The following DNAI3 variants were observed in gnomAD, a reference collection of about 807,000 sequenced individuals.
The protein encoded by DNAI3 is dynein axonemal intermediate chain 3.
Under a neutral mutation model 115.5 loss-of-function variants are expected in DNAI3, and 83 were observed. That is an observed-to-expected ratio of 0.72 (90% CI 0.60 to 0.86). The LOEUF is 0.86. DNAI3 is among the 40% of genes least tolerant of loss of function. The pLI is 0.00. For missense variants in DNAI3, 1,004 were observed against 1,075.8 expected (o/e 0.93, Z 0.93); for synonymous variants, 320 against 347.0 (o/e 0.92, Z 0.86).
At chr1:85,113,146 T>C (rs1178010854) in intron 16 of DNAI3, among the ~76,000 whole-genome samples, 1 of 152,250 alleles carries the variant, frequency 6.6e-6, no homozygotes. Context: ...ACTAGTGATA[T>C]GTGATTTTTA....
intron 3 of DNAI3, among the ~76,000 whole-genome samples, chr1:85,080,275 T>C (rs1654598030): frequency 6.6e-6 from 1 of 152,036 alleles, no homozygotes; most frequent in Non-Finnish European, 1.5e-5. Flanking sequence ...ATGGTCTCGA[T>C]CTCCTGACCT....
At chr1:85,126,775 A>T in intron 20 of DNAI3, 60 bp downstream of exon 20, 1 of 1,583,672 alleles carries the variant, frequency 6.3e-7, no homozygotes, top group South Asian at 1.1e-5. Flanking sequence ...ACATCTTGAC[A>T]TTCATCTGAA....
intron 10 of DNAI3, among the ~76,000 whole-genome samples, chr1:85,095,650 G>A (rs1655102026): frequency 6.6e-6 from 1 of 152,142 alleles, no homozygotes; most frequent in African/African-American, 2.4e-5. Context: ...ATTGTAACAT[G>A]CTCCCAAAAT....
rs1183449978 is a variant in DNAI3 at position 85,078,730 on chromosome 1, A to G, written c.104-2504A>G. Among the ~76,000 whole-genome samples the G allele has an allele frequency of 2.6e-4, 40 of 152,202 alleles. 2 individuals carry two copies. The highest frequency in any genetic ancestry group is 2.6e-3 in the Admixed American group (40 of 15,278). ...TTAGTTCTCATGGCAATGGAGCATG[A>G]TGGTACTGGACTATAGCAGTTTTGT... On this transcript the variant is annotated intron_variant, in intron 3 of 22. Coordinates refer to ENST00000294664, the MANE Select transcript of DNAI3 (RefSeq NM_145172.5).
chr1:85,103,964 T>A (rs1655407975), intron 13 of DNAI3, among the ~76,000 whole-genome samples: 1 of 149,650 alleles, frequency 6.7e-6, no homozygotes. Flanking sequence ...GTTCAAATTA[T>A]GTGGAGGGAA....
intron 16 of DNAI3, among the ~76,000 whole-genome samples, chr1:85,114,663 T>A (rs2100604294): frequency 6.6e-6 from 1 of 152,358 alleles, no homozygotes; most frequent in Middle Eastern, 3.4e-3. Flanking sequence ...TTGGTCACAC[T>A]GCCGACTATC....
rs12029771 is a variant in DNAI3 at position 85,082,385 on chromosome 1, G to A, written c.371G>A (p.Gly124Asp). ...LNFYLIATEE[G>D]KENYLNPPEV... ...TTTTATCTTATTGCAACTGAAGAGG[G>A]CAAAGAAAACTATTTAAATGTGAGC... Residue 124 changes from glycine (G) to aspartate (D), a missense_variant, in exon 5 of 23, where the codon GGC becomes GAC. Coordinates refer to ENST00000294664, the MANE Select transcript of DNAI3 (RefSeq NM_145172.5). 5 of 1,613,040 alleles carry A rather than the reference G, an allele frequency of 3.1e-6. No individual in the cohort carries two copies. The East Asian group carries it at 8.9e-5, about 29-fold the overall frequency.
chr1:85,117,849 T>C lies in DNAI3; in HGVS notation c.1907T>C (p.Val636Ala). Residue 636 changes from valine to alanine, a missense_variant, in exon 17 of 23, where the codon GTG (valine) becomes GCG (alanine). Val to Ala is a moderately conservative substitution (Grantham distance 64). This residue lies in a region of DNAI3 where 429 missense variants were observed against 454.3 expected (regional missense o/e 0.94). Coordinates refer to ENST00000294664, the MANE Select transcript of DNAI3 (RefSeq NM_145172.5). ...GATGACTTCTGCACAAAGTTCTTTG[T>C]GGGAACAGAGGTAAATTGGGATTAT... ...PIDDFCTKFF[V>A]GTEEGEVIYT... The C allele has an allele frequency of 1.2e-6, 2 of 1,612,912 alleles. No homozygotes were observed. Among genetic ancestry groups the C allele is most frequent in the Non-Finnish European group, 8.5e-7 (1 of 1,179,126 alleles).
intron 5 of DNAI3, among the ~76,000 whole-genome samples, chr1:85,083,636 C>G (rs1654695710): frequency 6.6e-6 from 1 of 151,426 alleles, no homozygotes; most frequent in African/African-American, 2.4e-5. Flanking sequence ...TTAGAAAAAA[C>G]TACAGAGTAG....
chr1:85,092,387 G>A (rs1655005721), intron 8 of DNAI3, among the ~76,000 whole-genome samples: 1 of 152,030 alleles, frequency 6.6e-6, no homozygotes, highest in Admixed American at 6.6e-5. Flanking sequence ...CTATCTAAAG[G>A]ATTTTTTCTT....
intron 9 of DNAI3, 26 bp downstream of exon 9, chr1:85,093,674 C>G: frequency 6.2e-7 from 1 of 1,612,836 alleles, no homozygotes; most frequent in Non-Finnish European, 8.5e-7. Flanking sequence ...TGGGGATTCC[C>G]TTTTGTGATA....
At chr1:85,120,036 C>T (rs1655945013) in intron 17 of DNAI3, among the ~76,000 whole-genome samples, 1 of 152,228 alleles carries the variant, frequency 6.6e-6, no homozygotes, top group South Asian at 2.1e-4. Flanking sequence ...TCTTGCCTGC[C>T]TTTGGAGGCC....
At chr1:85,110,345 G>T (rs939493091) in intron 16 of DNAI3, among the ~76,000 whole-genome samples, 6 of 151,590 alleles carry the variant, frequency 4.0e-5, no homozygotes, top group Non-Finnish European at 7.4e-5. Context: ...CAGCTATCCC[G>T]GAGGCTGAGG....
chr1:85,118,318 C>T lies in DNAI3; in HGVS notation c.1917+459C>T, dbSNP rs547634124. Among the ~76,000 whole-genome samples the T allele has an allele frequency of 5.9e-5, 9 of 152,216 alleles. No homozygotes were observed. In the South Asian group the frequency reaches 1.2e-3, roughly 21 times the overall value. ...GGACATACTGTAATAATAACCAAAGCGAGTTCACATTTACTGGACATTTTC... is the reference window on the plus strand; with the variant it reads ...GGACATACTGTAATAATAACCAAAGTGAGTTCACATTTACTGGACATTTTC... On this transcript the variant is annotated intron_variant, in intron 17 of 22. Coordinates refer to ENST00000294664, the MANE Select transcript of DNAI3 (RefSeq NM_145172.5).
At chr1:85,079,143 T>C (rs1362190207) in intron 3 of DNAI3, among the ~76,000 whole-genome samples, 2 of 152,212 alleles carry the variant, frequency 1.3e-5, no homozygotes, top group Non-Finnish European at 2.9e-5. Flanking sequence ...TACAGAACTT[T>C]TGTTACCCAT....
chr1:85,099,490 TG>T (rs1655226414), intron 13 of DNAI3: 1 of 154,594 alleles, frequency 6.5e-6, no homozygotes, highest in Non-Finnish European at 1.4e-5. Context: ...TACAAACAAA[TG>T]GAAGAACATT....
chr1:85,113,216 G>T (rs1655709344), intron 16 of DNAI3, among the ~76,000 whole-genome samples: 1 of 152,164 alleles, frequency 6.6e-6, no homozygotes, highest in Non-Finnish European at 1.5e-5. Context: ...TTGAAAATCA[G>T]AAGTTTTTAA....
chr1:85,094,410 T>G, intron 9 of DNAI3, 21 bp from the exon 10 acceptor site: 1 of 1,613,472 alleles, frequency 6.2e-7, no homozygotes, highest in African/African-American at 1.3e-5. Context: ...CAACTTTAAT[T>G]TCTACATGTG....
rs368803889 is a variant in DNAI3 at position 85,128,808 on chromosome 1, C to G, written c.2409+9C>G. 6.2e-6 allele frequency: 10 copies of G among 1,605,232 alleles called. No individual in the cohort carries two copies. The African/African-American group carries it at 1.3e-4, about 22-fold the overall frequency. On this transcript the variant is annotated intron_variant, in intron 21 of 22. Coordinates refer to ENST00000294664, the MANE Select transcript of DNAI3 (RefSeq NM_145172.5). ...GCCCTTCCACCAATGAGGTTAGTAA[C>G]TAACTTATGACTTTGAGAATTAATG...
Sources: allele counts gnomAD v4.1 joint callset (sites outside exome capture counted in the v4.1 genomes callset), GRCh38; gene constraint gnomAD v4.1.1; regional missense constraint gnomAD v4.1.1; transcripts MANE v1.5; gene names NCBI Gene and HGNC (gene_info 2026-07-23, HGNC 2026-07-21).